The following ARFGEF2 variants were observed in gnomAD, a reference collection of about 807,000 sequenced individuals.
The protein encoded by ARFGEF2 is brefeldin A-inhibited guanine nucleotide-exchange protein 2.
A neutral mutation model predicts 219.9 loss-of-function variants in ARFGEF2; 74 were observed. The ratio of observed to expected loss-of-function variants is 0.34; its 90% CI spans 0.28 to 0.41. ARFGEF2 has a LOEUF of 0.41. ARFGEF2 is among the 10% of genes least tolerant of loss of function. ARFGEF2 has a pLI of 1.00. For synonymous variants in ARFGEF2, 733 were observed against 799.2 expected (o/e 0.92, Z 1.40); for missense variants, 1,743 against 2,218.3 (o/e 0.79, Z 4.30).
intron 1 of ARFGEF2, among the ~76,000 whole-genome samples, chr20:48,933,796 A>G (rs2090929265): frequency 6.6e-6 from 1 of 151,072 alleles, no homozygotes; most frequent in South Asian, 2.1e-4. Flanking sequence ...GTTTTTTATC[A>G]CTCCCATTTT....
intron 1 of ARFGEF2, among the ~76,000 whole-genome samples, chr20:48,925,204 G>T (rs11696295): frequency 7.9e-5 from 12 of 152,122 alleles, no homozygotes; most frequent in African/African-American, 1.9e-4. Flanking sequence ...TGATTCGTCC[G>T]CACTATACAC....
At chr20:49,020,900 A>G (rs2091561521) in intron 34 of ARFGEF2, among the ~76,000 whole-genome samples, 1 of 152,228 alleles carries the variant, frequency 6.6e-6, no homozygotes, top group African/African-American at 2.4e-5. Flanking sequence ...CCCAGGGAAC[A>G]GTGCCTTTGC....
At position 48,930,595 on chromosome 20, in the gene ARFGEF2, A is replaced by G. The variant is rs1372186670; in HGVS notation, c.121+8585A>G. Among the ~76,000 whole-genome samples the G allele has an allele frequency of 2.0e-5, 3 of 152,294 alleles. No homozygotes were observed. In the South Asian group the frequency reaches 6.2e-4, roughly 32 times the overall value. On this transcript the variant is annotated intron_variant, in intron 1 of 38. Coordinates refer to ENST00000371917, the MANE Select transcript of ARFGEF2 (RefSeq NM_006420.3). ...ATGGTGCCTATTTTTTAAGATGGGA[A>G]TGTGGGAAGAGGACTACATGGAGTG...
intron 23 of ARFGEF2, among the ~76,000 whole-genome samples, chr20:48,996,958 T>C (rs562346144): frequency 6.6e-6 from 1 of 152,276 alleles, no homozygotes; most frequent in African/African-American, 2.4e-5. Flanking sequence ...TTAGTCACTG[T>C]AACCACTGAT....
intron 1 of ARFGEF2, among the ~76,000 whole-genome samples, chr20:48,936,689 T>A (rs1382498774): frequency 6.6e-6 from 1 of 152,148 alleles, no homozygotes; most frequent in Admixed American, 6.5e-5. Flanking sequence ...CACGCCCAGC[T>A]AATTTTTTTA....
intron 3 of ARFGEF2, among the ~76,000 whole-genome samples, chr20:48,946,566 C>G (rs2091029081): frequency 6.6e-6 from 1 of 151,640 alleles, no homozygotes. Flanking sequence ...CATTCTGTTA[C>G]CTAGGCTGGA....
chr20:48,981,239 A>T (rs909275743), intron 14 of ARFGEF2, among the ~76,000 whole-genome samples: 1 of 152,108 alleles, frequency 6.6e-6, no homozygotes, highest in Non-Finnish European at 1.5e-5. Flanking sequence ...TTCACTTATG[A>T]AGTTTAGTTT....
chr20:48,978,977 C>T (rs1417624195), intron 14 of ARFGEF2, among the ~76,000 whole-genome samples: 1 of 152,116 alleles, frequency 6.6e-6, no homozygotes, highest in Admixed American at 6.5e-5. Context: ...CTTTCTCTTG[C>T]CTGATTGCCC....
chr20:48,939,058 A>G (rs1287503655), intron 1 of ARFGEF2, among the ~76,000 whole-genome samples: 1 of 147,892 alleles, frequency 6.8e-6, no homozygotes, highest in African/African-American at 2.5e-5. Context: ...CACTGCAATT[A>G]CTGCTTCCCG....
intron 31 of ARFGEF2, 95 bp from the exon 32 acceptor site, chr20:49,017,154 T>C: frequency 7.9e-7 from 1 of 1,270,726 alleles, no homozygotes; most frequent in East Asian, 2.4e-5. Context: ...AACTCACCAG[T>C]TGCTGTCTCC....
At chr20:49,031,580 T>C (rs1163401926) in intron 37 of ARFGEF2, among the ~76,000 whole-genome samples, 2 of 152,092 alleles carry the variant, frequency 1.3e-5, no homozygotes, top group Non-Finnish European at 2.9e-5. Flanking sequence ...GCTCAGTGAT[T>C]TGCCCAAGAT....
intron 3 of ARFGEF2, among the ~76,000 whole-genome samples, chr20:48,947,965 C>T (rs2091038711): frequency 6.6e-6 from 1 of 152,184 alleles, no homozygotes; most frequent in African/African-American, 2.4e-5. Flanking sequence ...TTTCTTTTTA[C>T]ATCCCAGTGA....
At chr20:48,986,541 G>T (rs1209401095) in intron 16 of ARFGEF2, among the ~76,000 whole-genome samples, 2 of 151,678 alleles carry the variant, frequency 1.3e-5, no homozygotes, top group African/African-American at 2.4e-5. Context: ...TTCAACCTGG[G>T]AGGCAGAGGC....
intron 3 of ARFGEF2, among the ~76,000 whole-genome samples, chr20:48,950,235 G>A (rs979711492): frequency 2.0e-5 from 3 of 152,028 alleles, no homozygotes; most frequent in African/African-American, 7.2e-5. Context: ...TATTGATGTA[G>A]GTGTGAAATG....
Position 48,989,583 on chromosome 20 carries a change from T to C in ARFGEF2, c.2713T>C (p.Tyr905His). 1 of 1,614,264 alleles carries C rather than the reference T, an allele frequency of 6.2e-7. No individual in the cohort carries two copies. ...GGTGTGGACGCCACTATTGGCAGCCTACAGCATCGGACTCCAGAACTGTGA... is the reference window on the plus strand; with the variant it reads ...GGTGTGGACGCCACTATTGGCAGCCCACAGCATCGGACTCCAGAACTGTGA... ...KLVWTPLLAA[Y>H]SIGLQNCDDT... Residue 905 changes from tyrosine to histidine, a missense_variant, in exon 20 of 39, where the codon TAC (tyrosine) becomes CAC (histidine). Tyr to His is a moderately conservative substitution (Grantham distance 83). Coordinates refer to ENST00000371917, the MANE Select transcript of ARFGEF2 (RefSeq NM_006420.3).
chr20:48,942,593 T>C (rs1231860127), intron 3 of ARFGEF2, among the ~76,000 whole-genome samples: 1 of 149,102 alleles, frequency 6.7e-6, no homozygotes, highest in Non-Finnish European at 1.5e-5. Context: ...CAAGGGATTC[T>C]CCTGCCTCAG....
chr20:49,025,322 C>T lies in ARFGEF2; in HGVS notation c.4765C>T (p.Leu1589=). ...EHMVAAQQDT[L]DADIHIETED... ...CTGTCCTGTCCTCTAGCAAGACACG[C>T]TGGATGCAGATATCCACATAGAGAC... is the stretch of plus-strand genomic sequence containing the variant. Residue 1589 remains leucine, a synonymous_variant, in exon 36 of 39, where the codon CTG becomes TTG. Transcript: ENST00000371917. 6.2e-7 allele frequency: 1 copy of T among 1,611,208 alleles called. No individual in the cohort carries two copies. The highest frequency in any genetic ancestry group is 8.5e-7 in the Non-Finnish European group (1 of 1,178,558).
chr20:49,023,798 A>G (rs897543399), intron 35 of ARFGEF2, among the ~76,000 whole-genome samples: 1 of 151,978 alleles, frequency 6.6e-6, no homozygotes, highest in African/African-American at 2.4e-5. Flanking sequence ...TCGGCCTCCC[A>G]AAGTGCTGGG....
intron 1 of ARFGEF2, among the ~76,000 whole-genome samples, chr20:48,926,254 C>G (rs1266750265): frequency 2.0e-5 from 3 of 152,040 alleles, no homozygotes; most frequent in Non-Finnish European, 1.5e-5. Flanking sequence ...ATCAGTATAC[C>G]GCAGTGGAGT....
Sources: allele counts gnomAD v4.1 joint callset (sites outside exome capture counted in the v4.1 genomes callset), GRCh38; gene constraint gnomAD v4.1.1; transcripts MANE v1.5; gene names NCBI Gene and HGNC (gene_info 2026-07-23, HGNC 2026-07-21).